Variants in PRKCE observed in about 807,000 individuals in gnomAD.
The protein encoded by PRKCE is protein kinase C epsilon type.
In PRKCE, 16 loss-of-function variants were observed where a neutral mutation model predicts 85.4. The observed-to-expected ratio is 0.19, with a 90% CI of 0.13 to 0.28. The LOEUF is 0.28. Among genes scored for constraint, PRKCE ranks in the 10% least tolerant of loss-of-function variants. The pLI is 1.00. For missense variants in PRKCE, 573 were observed against 975.2 expected (o/e 0.59, Z 5.49); for synonymous variants, 388 against 371.5 (o/e 1.04, Z -0.51).
chr2:46,035,116 CA>C (rs1707779148), intron 10 of PRKCE, among the ~76,000 whole-genome samples: 2 of 152,232 alleles, frequency 1.3e-5, no homozygotes, highest in South Asian at 2.1e-4. Context: ...TCTGGCTCAG[CA>C]AAATCAGAAT....
intron 2 of PRKCE, among the ~76,000 whole-genome samples, chr2:45,916,510 T>A (rs983576686): frequency 6.6e-6 from 1 of 152,292 alleles, no homozygotes. Flanking sequence ...TCTTTCAAAG[T>A]GCTGTGATTG....
At chr2:45,913,568 T>G (rs1697535176) in intron 2 of PRKCE, among the ~76,000 whole-genome samples, 1 of 152,254 alleles carries the variant, frequency 6.6e-6, no homozygotes, top group Non-Finnish European at 1.5e-5. Flanking sequence ...CATGTACCTT[T>G]GAGAGCTGCT....
rs183480164 is a variant in PRKCE at position 45,760,232 on chromosome 2, C to T, written c.349-82768C>T. 2.4e-3 allele frequency among the ~76,000 whole-genome samples: 364 copies of T among 152,274 alleles called. 1 individual carries two copies. The highest frequency in any genetic ancestry group is 8.1e-3 in the African/African-American group (336 of 41,552). On this transcript the variant is annotated intron_variant, in intron 1 of 14. Coordinates refer to ENST00000306156, the MANE Select transcript of PRKCE (RefSeq NM_005400.3). ...GATGGAGGCATCTTCCTGCAAACCA[C>T]CTTATCCAATAAAATTAACACACAA... is the stretch of plus-strand genomic sequence containing the variant.
At chr2:46,096,548 G>A (rs1448217) in intron 11 of PRKCE, among the ~76,000 whole-genome samples, 89,897 of 152,008 alleles carry the variant, frequency 0.59, 27,651 homozygotes, top group Non-Finnish European at 0.68. Context: ...AGAAGAGGAG[G>A]TTAGGACACA....
intron 2 of PRKCE, among the ~76,000 whole-genome samples, chr2:45,902,756 T>C (rs1021459595): frequency 6.6e-6 from 1 of 152,194 alleles, no homozygotes; most frequent in African/African-American, 2.4e-5. Context: ...ACTCAAGGGT[T>C]AGTTATGTTT....
At chr2:45,848,906 G>C (rs1358131978) in intron 2 of PRKCE, among the ~76,000 whole-genome samples, 1 of 152,196 alleles carries the variant, frequency 6.6e-6, no homozygotes, top group Non-Finnish European at 1.5e-5. Context: ...GCTTGGGTTG[G>C]AAAGGAAAGG....
rs140464225 is a variant in PRKCE, at chr2:45,974,936, G to C, written c.413-1493G>C. On this transcript the variant is annotated intron_variant, in intron 2 of 14. Coordinates refer to ENST00000306156, the MANE Select transcript of PRKCE (RefSeq NM_005400.3). ...CCCAAAGCCTGCCCACTGTGTTCTT[G>C]GGGAAGCCACAGGCAGCTGGACTCT... Among the ~76,000 whole-genome samples the C allele has an allele frequency of 5.3e-3, 807 of 152,280 alleles. 22 individuals are homozygous for C. The highest frequency in any genetic ancestry group is 0.048 in the Admixed American group (736 of 15,286).
At chr2:45,760,828 C>T (rs1558642218) in intron 1 of PRKCE, among the ~76,000 whole-genome samples, 2 of 152,116 alleles carry the variant, frequency 1.3e-5, no homozygotes, top group African/African-American at 2.4e-5. Flanking sequence ...GTCTGGGTAT[C>T]GGATTTGGTG....
intron 1 of PRKCE, among the ~76,000 whole-genome samples, chr2:45,698,837 G>C (rs1285743848): frequency 1.3e-5 from 2 of 152,098 alleles, no homozygotes; most frequent in Admixed American, 6.5e-5. Context: ...CCTTTAGAGG[G>C]GAGTAGAACA....
At chr2:46,070,259 A>C (rs1394048208) in intron 10 of PRKCE, among the ~76,000 whole-genome samples, 1 of 152,146 alleles carries the variant, frequency 6.6e-6, no homozygotes, top group Non-Finnish European at 1.5e-5. Flanking sequence ...ACCTCTATAA[A>C]TATAACCAGA....
At chr2:45,919,542 C>T (rs1698095650) in intron 2 of PRKCE, among the ~76,000 whole-genome samples, 1 of 152,222 alleles carries the variant, frequency 6.6e-6, no homozygotes, top group Admixed American at 6.5e-5. Flanking sequence ...GAACTGGCCT[C>T]CAAGGGAGGG....
intron 6 of PRKCE, among the ~76,000 whole-genome samples, chr2:46,000,278 A>T (rs1426614737): frequency 6.7e-6 from 1 of 149,238 alleles, no homozygotes; most frequent in African/African-American, 2.5e-5. Flanking sequence ...GGAGGGAAAG[A>T]ATTACATAGA....
chr2:46,099,570 GTTAT>G (rs1671019469), intron 11 of PRKCE, among the ~76,000 whole-genome samples: 1 of 151,116 alleles, frequency 6.6e-6, no homozygotes, highest in Non-Finnish European at 1.5e-5. Context: ...CTGGCTGTTA[GTTAT>G]TTCTTCCAGC....
At chr2:45,778,734 G>A (rs1336150277) in intron 1 of PRKCE, among the ~76,000 whole-genome samples, 3 of 152,156 alleles carry the variant, frequency 2.0e-5, no homozygotes, top group African/African-American at 7.2e-5. Context: ...TATGTTCCCG[G>A]CTGATGGCCC....
At chr2:46,179,028 C>A (rs1679708404) in intron 14 of PRKCE, among the ~76,000 whole-genome samples, 1 of 152,106 alleles carries the variant, frequency 6.6e-6, no homozygotes, top group African/African-American at 2.4e-5. Context: ...GGTCACACCC[C>A]ATGAGGCAGA....
chr2:45,772,847 C>T (rs1318743797), intron 1 of PRKCE, among the ~76,000 whole-genome samples: 1 of 152,094 alleles, frequency 6.6e-6, no homozygotes, highest in Non-Finnish European at 1.5e-5. Flanking sequence ...CATGGAAAGG[C>T]ATGCTGCATG....
chr2:45,792,391 C>T (rs762316019), intron 1 of PRKCE, among the ~76,000 whole-genome samples: 12 of 152,130 alleles, frequency 7.9e-5, no homozygotes, highest in African/African-American at 2.2e-4. Flanking sequence ...TGAGTTTTGG[C>T]GGGGACAACT....
Position 46,004,123 on chromosome 2 carries a change from G to T in PRKCE, c.967-419G>T. 1 of 270,324 alleles carries T rather than the reference G, an allele frequency of 3.7e-6. No individual in the cohort carries two copies. Among genetic ancestry groups the T allele is most frequent in the Non-Finnish European group, 7.3e-6 (1 of 137,110 alleles). 16.7% of individuals were successfully genotyped at this position (270,324 alleles called of 1,614,324 possible). A position where few individuals can be genotyped will look rare whatever the true frequency, so the allele number is the denominator to read the frequency against. On this transcript the variant is annotated intron_variant, in intron 7 of 14. Transcript: ENST00000306156. The surrounding 1 kb of genome is among the most constrained non-coding windows in gnomAD (Gnocchi z 4.1). ...AGTTGAACATTAGCCTTTTCCTGCT[G>T]TACCCGTCCAATGTAGATGATGTAT...
At chr2:45,744,545 TCTTTCTTC>T (rs1682971141) in intron 1 of PRKCE, among the ~76,000 whole-genome samples, 4 of 85,300 alleles carry the variant, frequency 4.7e-5, no homozygotes, top group South Asian at 4.1e-4. Flanking sequence ...CTTCTTTCTT[TCTTTCTTC>T]CTTCCTTCCT....
Sources: gnomAD v4.1 joint callset for allele counts (sites outside exome capture counted in the v4.1 genomes callset) on GRCh38, gnomAD v4.1.1 for gene constraint, Gnocchi (gnomAD v3.1) non-coding constraint, MANE v1.5 for transcripts, NCBI Gene and HGNC (gene_info 2026-07-23, HGNC 2026-07-21) for gene names.